Variants in FTO observed in about 807,000 individuals in gnomAD.
FTO encodes FTO alpha-ketoglutarate dependent dioxygenase.
FTO carries 47 observed loss-of-function variants against 63.9 expected under a neutral mutation model. That is an observed-to-expected ratio of 0.74 (90% CI 0.58 to 0.94). The LOEUF (loss-of-function observed/expected upper bound fraction) is 0.94, where lower values mean the gene tolerates loss of function less well. Ranked by LOEUF, FTO falls within the 40% of genes least tolerant of loss-of-function variation. The pLI, the probability that FTO is intolerant of heterozygous loss-of-function variation, is 0.00. For synonymous variants in FTO, 207 were observed against 224.4 expected, an observed-to-expected ratio of 0.92 and a Z score of 0.69; for missense variants, 562 against 618.1, an observed-to-expected ratio of 0.91 and a Z score of 0.96.
At chr16:53,938,272 C>T (rs542812570) in intron 8 of FTO, among the ~76,000 whole-genome samples, 11 of 152,298 alleles carry the variant, frequency 7.2e-5, no homozygotes, top group Non-Finnish European at 1.0e-4. Flanking sequence ...TGAGTAGTTA[C>T]GTTTGGTTCT....
At chr16:53,789,717 A>T in intron 1 of FTO, among the ~76,000 whole-genome samples, 1 of 150,118 alleles carries the variant, frequency 6.7e-6, no homozygotes, top group Non-Finnish European at 1.5e-5. Context: ...TTTGTTTTTG[A>T]CTTTCACATA....
chr16:54,084,713 G>A (rs899476369), intron 8 of FTO, among the ~76,000 whole-genome samples: 11 of 152,140 alleles, frequency 7.2e-5, no homozygotes, highest in Non-Finnish European at 1.6e-4. Context: ...TAGATACAGG[G>A]AGAAGCCATT....
intron 8 of FTO, chr16:54,063,740 G>A (rs1438176908): frequency 7.0e-6 from 1 of 143,884 alleles, no homozygotes; most frequent in Non-Finnish European, 1.5e-5. Flanking sequence ...CCAGAGGTAT[G>A]CGTAGCTATA....
At chr16:53,852,099 T>TAAA (rs2079817355) in intron 4 of FTO, among the ~76,000 whole-genome samples, 1 of 21,010 alleles carries the variant, frequency 4.8e-5, no homozygotes, top group African/African-American at 3.1e-4. Context: ...CTACAAAAAA[T>TAAA]ACAAAAAAAA....
intron 1 of FTO, among the ~76,000 whole-genome samples, chr16:53,758,169 T>C (rs1435220707): frequency 6.6e-5 from 10 of 152,184 alleles, no homozygotes; most frequent in Non-Finnish European, 1.5e-4. Flanking sequence ...CTGGTGGTGC[T>C]AGTGGTGAAG....
Position 54,114,258 on chromosome 16 carries a change from T to TTAA in FTO, c.*2345_*2347dup, listed in dbSNP as rs2086950799. The TTAA allele has an allele frequency of 6.6e-6, 1 of 152,188 alleles. No individual in the cohort carries two copies. Among genetic ancestry groups the TTAA allele is most frequent in the South Asian group, 2.1e-4 (1 of 4,824 alleles). 9.4% of individuals were successfully genotyped at this position (152,188 alleles called of 1,614,324 possible). A position where few individuals can be genotyped will look rare whatever the true frequency, so the allele number is the denominator to read the frequency against. On this transcript the variant is annotated 3_prime_UTR_variant, in exon 9 of 9. Transcript: ENST00000471389. ...CTCCCTCTTTTTCTCCGTTTTTTCA[T>TTAA]TAATTGTGAACCTGACCTGCATCAC...
intron 4 of FTO, among the ~76,000 whole-genome samples, chr16:53,857,566 G>T (rs1220149676): frequency 2.6e-5 from 4 of 152,030 alleles, no homozygotes; most frequent in Non-Finnish European, 5.9e-5. Flanking sequence ...TAGGCTTGGA[G>T]CCTTCGTCTT....
At chr16:53,732,432 C>T (rs1482610417) in intron 1 of FTO, among the ~76,000 whole-genome samples, 1 of 152,160 alleles carries the variant, frequency 6.6e-6, no homozygotes, top group East Asian at 1.9e-4. Flanking sequence ...TGTTACTGCA[C>T]TTTACAAATA....
intron 8 of FTO, among the ~76,000 whole-genome samples, chr16:54,086,561 A>T (rs2086258527): frequency 6.6e-6 from 1 of 152,194 alleles, no homozygotes. Context: ...GACAGGACAA[A>T]TCTTTTTAAA....
At chr16:53,750,987 C>T (rs2076775560) in intron 1 of FTO, among the ~76,000 whole-genome samples, 1 of 152,156 alleles carries the variant, frequency 6.6e-6, no homozygotes. Flanking sequence ...TTGTTTAAAC[C>T]TAAGTATGGA....
intron 8 of FTO, among the ~76,000 whole-genome samples, chr16:54,052,902 C>T (rs2085344945): frequency 6.6e-6 from 1 of 152,016 alleles, no homozygotes; most frequent in African/African-American, 2.4e-5. Flanking sequence ...GGGTTTCACC[C>T]TGTTGGCCAG....
At chr16:53,911,600 G>A (rs1383494643) in intron 7 of FTO, 2 of 651,932 alleles carry the variant, frequency 3.1e-6, no homozygotes, top group South Asian at 1.7e-5. Context: ...ATGTTTACAG[G>A]TCAACCTGGA....
intron 2 of FTO, among the ~76,000 whole-genome samples, chr16:53,823,675 T>C (rs1161226950): frequency 2.6e-5 from 4 of 152,232 alleles, no homozygotes; most frequent in African/African-American, 7.2e-5. Context: ...AAATCTGGAA[T>C]GTATTCTTAA....
intron 1 of FTO, among the ~76,000 whole-genome samples, chr16:53,769,003 T>G (rs374326205): frequency 6.6e-6 from 1 of 152,172 alleles, no homozygotes; most frequent in South Asian, 2.1e-4. Flanking sequence ...CCAGAGACAT[T>G]TGCATTTTCA....
At chr16:53,798,827 G>C (rs1288392101) in intron 1 of FTO, among the ~76,000 whole-genome samples, 1 of 152,064 alleles carries the variant, frequency 6.6e-6, no homozygotes, top group Admixed American at 6.6e-5. Context: ...AACATCCTTG[G>C]CTTTTTTCCT....
chr16:53,899,629 A>G (rs2151923490), intron 7 of FTO, among the ~76,000 whole-genome samples: 1 of 152,298 alleles, frequency 6.6e-6, no homozygotes, highest in South Asian at 2.1e-4. Flanking sequence ...TACACTTCAG[A>G]CAGATCCCAG....
At chr16:53,850,688 T>C (rs1211990911) in intron 4 of FTO, among the ~76,000 whole-genome samples, 2 of 152,186 alleles carry the variant, frequency 1.3e-5, no homozygotes, top group African/African-American at 4.8e-5. Flanking sequence ...GATATATTTT[T>C]GTTTATTCCT....
At chr16:53,911,416 G>T (rs1008775419) in intron 7 of FTO, 2 of 703,030 alleles carry the variant, frequency 2.8e-6, no homozygotes, top group Non-Finnish European at 2.6e-6. Context: ...TAATAGTGTC[G>T]AACCCTGCAG....
At chr16:54,106,478 AAT>A (rs1389186832) in intron 8 of FTO, among the ~76,000 whole-genome samples, 2 of 146,184 alleles carry the variant, frequency 1.4e-5, no homozygotes, top group African/African-American at 2.5e-5. Context: ...ATACACATAT[AAT>A]ATGTAATATA....
Sources: gnomAD v4.1 joint callset for allele counts (sites outside exome capture counted in the v4.1 genomes callset) on GRCh38, gnomAD v4.1.1 for gene constraint, MANE v1.5 for transcripts, NCBI Gene and HGNC (gene_info 2026-07-23, HGNC 2026-07-21) for gene names.